Variants in DMD observed in about 807,000 individuals in gnomAD.
DMD encodes mutant dystrophin.
DMD carries 63 observed loss-of-function variants against 330.1 expected under a neutral mutation model. The ratio of observed to expected loss-of-function variants is 0.19; its 90% CI spans 0.16 to 0.24. The LOEUF is 0.24. Among genes scored for constraint, DMD ranks in the 10% least tolerant of loss-of-function variants. DMD has a pLI of 1.00. For synonymous variants in DMD, 1,223 were observed against 959.8 expected (o/e 1.27, Z -5.07); for missense variants, 3,344 against 2,684.1 (o/e 1.25, Z -5.43).
At chrX:32,281,943 AAG>A (rs2148423834) in intron 43 of DMD, among the ~76,000 whole-genome samples, 1 of 111,945 alleles carries the variant, frequency 8.9e-6, no homozygotes, top group East Asian at 2.8e-4. Context: ...ATGGGTGGGT[AAG>A]TCAACCCAAC....
chrX:32,628,279 TTTTTTTTTTTTTTTTTA>T (rs1179623626), intron 11 of DMD, among the ~76,000 whole-genome samples: 6 of 68,766 alleles, frequency 8.7e-5, no homozygotes, highest in African/African-American at 3.6e-4. Context: ...TTTTTTTTTT[TTTTTTTTTTTTTTTTTA>T]AGCTCTCACA....
chrX:31,374,550 T>C (rs1211640108), intron 60 of DMD, among the ~76,000 whole-genome samples: 2 of 106,580 alleles, frequency 1.9e-5, no homozygotes, highest in Admixed American at 1.0e-4. Flanking sequence ...GAAATCATCA[T>C]TCTCAGTAAA....
At chrX:31,726,273 G>T (rs1300042571) in intron 52 of DMD, among the ~76,000 whole-genome samples, 1 of 112,135 alleles carries the variant, frequency 8.9e-6, no homozygotes, top group Non-Finnish European at 1.9e-5. Context: ...AGTTTAACAT[G>T]AATATTTCTA....
chrX:31,168,573 G>A (rs940742960), intron 74 of DMD, among the ~76,000 whole-genome samples: 1 of 111,678 alleles, frequency 9.0e-6, no homozygotes, highest in Admixed American at 9.5e-5. Flanking sequence ...GACACACTGC[G>A]TTGCCTACGT....
intron 2 of DMD, among the ~76,000 whole-genome samples, chrX:33,005,162 A>G (rs1171900548): frequency 9.1e-6 from 1 of 109,453 alleles, no homozygotes; most frequent in Non-Finnish European, 1.9e-5. Flanking sequence ...CACAATGTTA[A>G]GTATTAATGG....
At chrX:33,088,712 G>A (rs1480091406) in intron 1 of DMD, among the ~76,000 whole-genome samples, 1 of 111,318 alleles carries the variant, frequency 9.0e-6, no homozygotes. Flanking sequence ...TTAATTACCA[G>A]ATGACATATT....
intron 18 of DMD, chrX:32,517,306 T>C (rs968014113): frequency 3.6e-5 from 4 of 112,294 alleles, no homozygotes; most frequent in Non-Finnish European, 7.5e-5. Flanking sequence ...TATACAAAGA[T>C]GCATGTTTTA....
intron 11 of DMD, among the ~76,000 whole-genome samples, chrX:32,634,992 A>G (rs1019423123): frequency 4.5e-5 from 5 of 112,064 alleles, no homozygotes; most frequent in African/African-American, 6.5e-5. Flanking sequence ...ATCCATGATG[A>G]CAAGGCTTGC....
chrX:31,323,590 C>T lies in DMD; in HGVS notation c.9224+8G>A, dbSNP rs2148296496. 8.3e-7 allele frequency: 1 copy of T among 1,199,605 alleles called. No individual in the cohort carries two copies. The highest frequency in any genetic ancestry group is 1.1e-6 in the Non-Finnish European group (1 of 885,054). The stretch of plus-strand genomic sequence containing the variant: ...TGCTCTTTTAAAAATGTGATACTTC[C>T]AACTTACTTGATATAGTAGGGCACT... On this transcript the variant is annotated splice_region_variant and intron_variant, in intron 62 of 78. Transcript: ENST00000357033.
At chrX:33,041,497 G>C in intron 1 of DMD, 1 of 1,206,144 alleles carries the variant, frequency 8.3e-7, no homozygotes, top group Non-Finnish European at 1.1e-6. Flanking sequence ...ACAACAAGAA[G>C]AAAAGATTGA....
intron 74 of DMD, among the ~76,000 whole-genome samples, chrX:31,162,057 T>C (rs1420002431): frequency 9.0e-6 from 1 of 111,287 alleles, no homozygotes; most frequent in Non-Finnish European, 1.9e-5. Flanking sequence ...GAATAAATCA[T>C]TCACCTCTGT....
intron 44 of DMD, among the ~76,000 whole-genome samples, chrX:32,071,728 T>C (rs953301227): frequency 9.9e-5 from 11 of 110,659 alleles, no homozygotes; most frequent in Non-Finnish European, 1.3e-4. Context: ...TGTACCCCAA[T>C]AATTTACAGA....
chrX:32,295,687 C>G (rs1269799426), intron 42 of DMD, among the ~76,000 whole-genome samples: 3 of 111,749 alleles, frequency 2.7e-5, no homozygotes, highest in African/African-American at 9.8e-5. Context: ...GAAAATTTAT[C>G]TAGGAAACAA....
intron 51 of DMD, among the ~76,000 whole-genome samples, chrX:31,747,198 A>C (rs2087917037): frequency 9.0e-6 from 1 of 111,448 alleles, no homozygotes; most frequent in Admixed American, 9.6e-5. Context: ...GGTGTTAGAC[A>C]TTGATCAGGA....
At chrX:32,434,637 A>G (rs897432331) in intron 29 of DMD, among the ~76,000 whole-genome samples, 3 of 111,775 alleles carry the variant, frequency 2.7e-5, no homozygotes, top group Non-Finnish European at 5.6e-5. Flanking sequence ...ATTCTACTGC[A>G]TCGAAACAAC....
At chrX:31,869,333 C>T (rs763295168) in intron 48 of DMD, among the ~76,000 whole-genome samples, 1 of 109,675 alleles carries the variant, frequency 9.1e-6, no homozygotes, top group East Asian at 2.9e-4. Context: ...TTTCAGTAAC[C>T]CTTGGGGTTA....
At chrX:32,008,655 T>C (rs2095681852) in intron 44 of DMD, among the ~76,000 whole-genome samples, 1 of 111,687 alleles carries the variant, frequency 9.0e-6, no homozygotes, top group Non-Finnish European at 1.9e-5. Flanking sequence ...GTAGATTTAA[T>C]TAAGTCTCAA....
intron 60 of DMD, among the ~76,000 whole-genome samples, chrX:31,421,914 CATAT>C (rs1266640554): frequency 7.8e-5 from 5 of 64,103 alleles, no homozygotes; most frequent in Admixed American, 1.7e-4. Context: ...CACACACACA[CATAT>C]ATATATATAT....
At chrX:31,795,949 G>C (rs181786928) in intron 50 of DMD, among the ~76,000 whole-genome samples, 26 of 111,866 alleles carry the variant, frequency 2.3e-4, no homozygotes, top group Admixed American at 2.3e-3. Flanking sequence ...GCAGCAATTG[G>C]TGATTAGGGA....
Sources: gnomAD v4.1 joint callset for allele counts (sites outside exome capture counted in the v4.1 genomes callset) on GRCh38, gnomAD v4.1.1 for gene constraint, MANE v1.5 for transcripts, NCBI Gene and HGNC (gene_info 2026-07-23, HGNC 2026-07-21) for gene names.